DLG1: variants seen among roughly 807,000 people sequenced by gnomAD.
DLG1 encodes disks large homolog 1.
DLG1 carries 42 observed loss-of-function variants against 123.4 expected under a neutral mutation model. The ratio of observed to expected loss-of-function variants is 0.34; its 90% CI spans 0.27 to 0.44. The LOEUF (loss-of-function observed/expected upper bound fraction) is 0.44, where lower values mean the gene tolerates loss of function less well. Ranked by LOEUF, DLG1 falls within the 20% of genes least tolerant of loss-of-function variation. The probability of loss-of-function intolerance (pLI) is 1.00; values close to 1 mark genes in which losing one functional copy is unlikely to be tolerated. For missense variants in DLG1, 942 were observed against 1,082.6 expected (o/e 0.87, Z 1.82); for synonymous variants, 317 against 356.2 (o/e 0.89, Z 1.24).
intron 14 of DLG1, among the ~76,000 whole-genome samples, chr3:197,094,387 C>T (rs1759460646): frequency 6.6e-6 from 1 of 152,184 alleles, no homozygotes; most frequent in Non-Finnish European, 1.5e-5. Context: ...TTCAGACACG[C>T]TTGTCCTTTT....
intron 16 of DLG1, among the ~76,000 whole-genome samples, chr3:197,082,179 G>A (rs1480895819): frequency 6.6e-6 from 1 of 152,068 alleles, no homozygotes; most frequent in African/African-American, 2.4e-5. Flanking sequence ...AGACCAGTCT[G>A]GCCAACATGG....
At chr3:197,206,491 G>A (rs114674605) in intron 4 of DLG1, among the ~76,000 whole-genome samples, 4,826 of 152,020 alleles carry the variant, frequency 0.032, 106 homozygotes, top group Non-Finnish European at 0.052. Context: ...GTGGAGACAG[G>A]GTTTCACCAC....
intron 22 of DLG1, among the ~76,000 whole-genome samples, chr3:197,063,801 T>C (rs1737486168): frequency 6.6e-6 from 1 of 152,174 alleles, no homozygotes; most frequent in Admixed American, 6.5e-5. Flanking sequence ...CAAAAGGCAG[T>C]ACCAGTTTGC....
intron 18 of DLG1, among the ~76,000 whole-genome samples, chr3:197,072,744 G>A (rs964765774): frequency 6.6e-6 from 1 of 151,066 alleles, no homozygotes; most frequent in Admixed American, 6.6e-5. Context: ...CCAGGCTGGA[G>A]AGCAGTGGCG....
At chr3:197,296,511 T>C (rs758162181) in intron 2 of DLG1, 34 bp from the exon 3 acceptor site, 37 of 1,602,530 alleles carry the variant, frequency 2.3e-5, no homozygotes, top group Non-Finnish European at 3.1e-5. Flanking sequence ...ATTAAAACTC[T>C]CTATTTACAA....
At chr3:197,170,446 C>T (rs550306035) in intron 5 of DLG1, among the ~76,000 whole-genome samples, 1 of 152,118 alleles carries the variant, frequency 6.6e-6, no homozygotes, top group South Asian at 2.1e-4. Flanking sequence ...TTTAAAGTAG[C>T]CATTCTGAAT....
intron 4 of DLG1, among the ~76,000 whole-genome samples, chr3:197,269,315 T>C (rs772764409): frequency 6.6e-6 from 1 of 152,184 alleles, no homozygotes; most frequent in Non-Finnish European, 1.5e-5. Flanking sequence ...GAGATATAAA[T>C]TTCTCAGCTT....
At chr3:197,247,114 C>G (rs1057273916) in intron 4 of DLG1, among the ~76,000 whole-genome samples, 2 of 152,224 alleles carry the variant, frequency 1.3e-5, no homozygotes, top group Admixed American at 1.3e-4. Flanking sequence ...GGACCATTAA[C>G]AAAGCCGATG....
chr3:197,056,554 A>G (rs1209571738), intron 23 of DLG1, among the ~76,000 whole-genome samples: 3 of 152,214 alleles, frequency 2.0e-5, no homozygotes, highest in African/African-American at 7.2e-5. Flanking sequence ...TGCTTGGCTT[A>G]GTATTTAATT....
chr3:197,156,021 A>G (rs546877296), intron 5 of DLG1, among the ~76,000 whole-genome samples: 2 of 152,354 alleles, frequency 1.3e-5, no homozygotes, highest in African/African-American at 4.8e-5. Context: ...ATCAATTATT[A>G]GTTTAAAAGC....
intron 4 of DLG1, among the ~76,000 whole-genome samples, chr3:197,241,073 C>T (rs1158060190): frequency 6.6e-6 from 1 of 151,646 alleles, no homozygotes; most frequent in Non-Finnish European, 1.5e-5. Context: ...ACATTTGACC[C>T]AAATAAGATT....
At chr3:197,294,928 T>C (rs889260634) in intron 3 of DLG1, among the ~76,000 whole-genome samples, 4 of 152,174 alleles carry the variant, frequency 2.6e-5, no homozygotes, top group South Asian at 2.1e-4. Context: ...TATATCTCTA[T>C]ACTGTTGCGA....
At chr3:197,085,413 T>TCTA in intron 16 of DLG1, 167 bp downstream of exon 16, 1 of 664,152 alleles carries the variant, frequency 1.5e-6, no homozygotes. Flanking sequence ...CTACTTTAGA[T>TCTA]TTCACATAAA....
intron 4 of DLG1, among the ~76,000 whole-genome samples, chr3:197,202,063 T>C (rs1231625726): frequency 6.6e-6 from 1 of 151,942 alleles, no homozygotes; most frequent in African/African-American, 2.4e-5. Flanking sequence ...GCTTTAGTGA[T>C]GGATGCCCTG....
intron 3 of DLG1, among the ~76,000 whole-genome samples, chr3:197,290,410 T>C (rs1478412136): frequency 1.3e-5 from 2 of 152,080 alleles, no homozygotes; most frequent in Non-Finnish European, 2.9e-5. Flanking sequence ...ATATTGCCTA[T>C]AAGCCACAAG....
intron 4 of DLG1, among the ~76,000 whole-genome samples, chr3:197,244,579 CT>C (rs1750668507): frequency 6.6e-6 from 1 of 151,328 alleles, no homozygotes; most frequent in African/African-American, 2.4e-5. Context: ...AAAAAAGGCA[CT>C]ATAAGAGGGT....
chr3:197,127,762 AGCAATAAAGCGAATATT>A (rs1780513632), intron 11 of DLG1, among the ~76,000 whole-genome samples: 1 of 151,956 alleles, frequency 6.6e-6, no homozygotes, highest in Non-Finnish European at 1.5e-5. Context: ...TCCATACCAC[AGCAATAAAGCGAATATT>A]GCAATAAAGC....
At chr3:197,115,564 T>TA (rs1202038316) in intron 13 of DLG1, among the ~76,000 whole-genome samples, 2 of 152,150 alleles carry the variant, frequency 1.3e-5, no homozygotes, top group African/African-American at 4.8e-5. Flanking sequence ...TGGGTAGCTT[T>TA]AAAAAAATCA....
At chr3:197,057,291 G>A (rs1732404946) in intron 23 of DLG1, among the ~76,000 whole-genome samples, 1 of 152,156 alleles carries the variant, frequency 6.6e-6, no homozygotes, top group African/African-American at 2.4e-5. Context: ...ATGTTGCTCA[G>A]GCTGGTCTCC....
Sources: gnomAD v4.1 joint callset for allele counts (sites outside exome capture counted in the v4.1 genomes callset) on GRCh38, gnomAD v4.1.1 for gene constraint, MANE v1.5 for transcripts, NCBI Gene and HGNC (gene_info 2026-07-23, HGNC 2026-07-21) for gene names.